The following NRDC variants were observed in gnomAD, a reference collection of about 807,000 sequenced individuals.
NRDC encodes nardilysin convertase.
A neutral mutation model predicts 147.1 loss-of-function variants in NRDC; 54 were observed. That is an observed-to-expected ratio of 0.37 (90% CI 0.29 to 0.46). The LOEUF (loss-of-function observed/expected upper bound fraction) is 0.46, where lower values mean the gene tolerates loss of function less well. NRDC is among the 20% of genes least tolerant of loss of function. The pLI is 1.00. For missense variants in NRDC, 1,082 were observed against 1,370.6 expected, an observed-to-expected ratio of 0.79 and a Z score of 3.33; for synonymous variants, 440 against 482.1, an observed-to-expected ratio of 0.91 and a Z score of 1.14.
intron 14 of NRDC, 85 bp downstream of exon 14, chr1:51,813,950 C>T (rs892738236): frequency 4.4e-6 from 4 of 899,362 alleles, no homozygotes; most frequent in East Asian, 4.9e-5. Context: ...AAAACTCCAC[C>T]GACACTTTCA....
chr1:51,864,803 TTA>T (rs1682725388), intron 1 of NRDC, among the ~76,000 whole-genome samples: 1 of 151,818 alleles, frequency 6.6e-6, no homozygotes. Context: ...AATACAAAAA[TTA>T]GCCAGGCGTG....
At chr1:51,791,514 A>G (rs1309584202) in intron 27 of NRDC, 64 bp downstream of exon 27, 2 of 1,355,412 alleles carry the variant, frequency 1.5e-6, no homozygotes, top group African/African-American at 2.9e-5. Context: ...TTAAGGAAAC[A>G]CATGTAGCCC....
chr1:51,864,287 T>TA (rs1345987320), intron 1 of NRDC, among the ~76,000 whole-genome samples: 6 of 152,218 alleles, frequency 3.9e-5, no homozygotes, highest in Non-Finnish European at 5.9e-5. Context: ...ATAAGGTATG[T>TA]AAAATCTCAT....
intron 4 of NRDC, among the ~76,000 whole-genome samples, chr1:51,830,593 A>G (rs1395741069): frequency 6.6e-6 from 1 of 152,202 alleles, no homozygotes; most frequent in East Asian, 1.9e-4. Context: ...AATCTAGGCT[A>G]TAACTACTCA....
chr1:51,790,875 C>T (rs756994669), intron 28 of NRDC, 25 bp downstream of exon 28: 2 of 1,594,740 alleles, frequency 1.3e-6, no homozygotes, highest in South Asian at 2.2e-5. Flanking sequence ...GGCCAAAGGC[C>T]AAAAGACCAG....
rs1413801411 is a variant in NRDC at position 51,827,887 on chromosome 1, C to A, written c.867-18G>T. On this transcript the variant is annotated intron_variant, in intron 4 of 30. Transcript: ENST00000352171. ...GCGCCCATCTGAACAAAAAACAAAACTGGCATTTCCGTTTTTGTTCACTTT... is the reference window on the plus strand; with the variant it reads ...GCGCCCATCTGAACAAAAAACAAAAATGGCATTTCCGTTTTTGTTCACTTT... 1.9e-6 allele frequency: 3 copies of A among 1,608,474 alleles called. No homozygotes were observed. Among genetic ancestry groups the A allele is most frequent in the Admixed American group, 1.7e-5 (1 of 59,918 alleles).
chr1:51,790,225 T>G (rs1347539621), intron 29 of NRDC, among the ~76,000 whole-genome samples: 1 of 152,230 alleles, frequency 6.6e-6, no homozygotes, highest in African/African-American at 2.4e-5. Context: ...CAAAGAGTCC[T>G]CAATTTTCTT....
intron 1 of NRDC, among the ~76,000 whole-genome samples, chr1:51,847,099 G>A (rs536850416): frequency 1.3e-5 from 2 of 152,226 alleles, no homozygotes; most frequent in African/African-American, 4.8e-5. Flanking sequence ...AGATCAGCTA[G>A]ACACAGAGTG....
At position 51,795,862 on chromosome 1, in the gene NRDC, C is replaced by G. The variant is rs562279354; in HGVS notation, c.2605-1008G>C. On this transcript the variant is annotated intron_variant, in intron 22 of 30. Transcript: ENST00000352171. The stretch of plus-strand genomic sequence containing the variant: ...CCACTGAGTGAATTTCCATCATCTT[C>G]TATTTCTTAAGCACTTCTTTAAACA... Among the ~76,000 whole-genome samples the G allele has an allele frequency of 4.6e-5, 7 of 152,254 alleles. No homozygotes were observed. The South Asian group carries it at 1.5e-3, about 32-fold the overall frequency.
At chr1:51,847,738 C>T (rs1681723639) in intron 1 of NRDC, among the ~76,000 whole-genome samples, 1 of 152,206 alleles carries the variant, frequency 6.6e-6, no homozygotes, top group South Asian at 2.1e-4. Context: ...CGGTTCCCGC[C>T]CGTGCCTCTC....
Position 51,790,535 on chromosome 1 carries a change from C to T in NRDC, c.3166G>A (p.Glu1056Lys), listed in dbSNP as rs1376206265. The T allele has an allele frequency of 7.5e-6, 12 of 1,605,784 alleles. No homozygotes were observed. The highest frequency in any genetic ancestry group is 2.2e-5 in the East Asian group (1 of 44,840). Residue 1056 changes from glutamate (E) to lysine (K), a missense_variant and splice_region_variant, in exon 29 of 31, where the codon GAG (glutamate) becomes AAG (lysine). By Grantham distance (56) the Glu-to-Lys change is moderately conservative. Coordinates refer to ENST00000352171, the MANE Select transcript of NRDC (RefSeq NM_001101662.2). Reference protein sequence around the residue: ...QQYLFDRLAHEIEALKSFSKS... With the variant: ...QQYLFDRLAHKIEALKSFSKS... ...TCTTACTCTGAAAACCATGTTACCT[C>T]GTGGGCAAGGCGGTCAAAGAGGTAC... is the stretch of plus-strand genomic sequence containing the variant.
In NRDC at chr1:51,823,677, C is replaced by T; in HGVS notation, c.1146G>A (p.Val382=). The T allele has an allele frequency of 6.2e-7, 1 of 1,608,838 alleles. No homozygotes were observed. Among genetic ancestry groups the T allele is most frequent in the Non-Finnish European group, 8.5e-7 (1 of 1,176,648 alleles). Reference sequence around the variant, plus strand: ...ATTAATAGTTACCTTTGGATTGAACCACTAAAGTCATGTAATGAGAAGAGT... The same window carrying T: ...ATTAATAGTTACCTTTGGATTGAACTACTAAAGTCATGTAATGAGAAGAGT... The part of the protein sequence containing the change: ...RYYSSHYMTL[V]VQSKETLDTL... The change falls in exon 7 of 31, where the codon GTG becomes GTA. Residue 382 remains valine (V), a synonymous_variant. Transcript: ENST00000352171.
chr1:51,878,509 C>T lies in NRDC; in HGVS notation c.107G>A (p.Cys36Tyr). ...ALWGIETRGRCEDSAAARPFP... is the reference protein window; with the variant it reads ...ALWGIETRGRYEDSAAARPFP... ...GGGTCTGGCAGCAGCAGAGTCTTCG[C>T]ACCGACCCCGCGTTTCGATTCCCCA... The change falls in exon 1 of 31, where the codon TGC (cysteine) becomes TAC (tyrosine). Residue 36 changes from cysteine to tyrosine, a missense_variant. This residue lies in a region of NRDC where 260 missense variants were observed against 253.2 expected (regional missense o/e 1.03). Coordinates refer to ENST00000352171, the MANE Select transcript of NRDC (RefSeq NM_001101662.2). 1.2e-6 allele frequency: 2 copies of T among 1,613,848 alleles called. No individual in the cohort carries two copies. Among genetic ancestry groups the T allele is most frequent in the Non-Finnish European group, 1.7e-6 (2 of 1,179,966 alleles).
intron 1 of NRDC, among the ~76,000 whole-genome samples, chr1:51,842,231 G>GT (rs1288672336): frequency 0.025 from 3,534 of 140,720 alleles, 107 homozygotes; most frequent in African/African-American, 0.076. Flanking sequence ...AAAATGTTTG[G>GT]TTTTTTTTTT....
At chr1:51,857,142 G>T (rs558822516) in intron 1 of NRDC, among the ~76,000 whole-genome samples, 1 of 152,228 alleles carries the variant, frequency 6.6e-6, no homozygotes, top group African/African-American at 2.4e-5. Context: ...TTTTAAGTTT[G>T]GCCTAAAGGT....
chr1:51,874,097 A>C (rs1683212831), intron 1 of NRDC, among the ~76,000 whole-genome samples: 1 of 150,848 alleles, frequency 6.6e-6, no homozygotes, highest in East Asian at 2.0e-4. Context: ...TCTGTACTCC[A>C]GCCTGGGCGA....
chr1:51,819,895 A>G (rs749203091), intron 8 of NRDC, 22 bp from the exon 9 acceptor site: 1 of 1,574,274 alleles, frequency 6.4e-7, no homozygotes, highest in Non-Finnish European at 8.7e-7. Flanking sequence ...ACAAATACAT[A>G]CAAATTTAAC....
At chr1:51,867,828 TAACTC>T (rs1196094637) in intron 1 of NRDC, among the ~76,000 whole-genome samples, 2 of 152,224 alleles carry the variant, frequency 1.3e-5, no homozygotes, top group African/African-American at 2.4e-5. Flanking sequence ...CAAGTACAGA[TAACTC>T]AACAAGTTTT....
At chr1:51,819,985 T>G (rs953227566) in intron 8 of NRDC, 112 bp from the exon 9 acceptor site, 3 of 774,872 alleles carry the variant, frequency 3.9e-6, no homozygotes, top group Non-Finnish European at 6.3e-6. Context: ...TACTCCTTCT[T>G]GGAAAGCATT....
Sources: allele counts gnomAD v4.1 joint callset (sites outside exome capture counted in the v4.1 genomes callset), GRCh38; gene constraint gnomAD v4.1.1; regional missense constraint gnomAD v4.1.1; transcripts MANE v1.5; gene names NCBI Gene and HGNC (gene_info 2026-07-23, HGNC 2026-07-21).